ESRRB: variants seen among roughly 807,000 people sequenced by gnomAD.
ESRRB encodes the protein estrogen related receptor beta, also known as steroid hormone receptor ERR2.
A neutral mutation model predicts 46.0 loss-of-function variants in ESRRB; 16 were observed. That is an observed-to-expected ratio of 0.35 (90% confidence interval 0.24 to 0.53). The LOEUF is 0.53. ESRRB is among the 20% of genes least tolerant of loss of function. The pLI is 0.93. For missense variants in ESRRB, 488 were observed against 607.4 expected (o/e 0.80, Z 2.07); for synonymous variants, 246 against 259.6 (o/e 0.95, Z 0.50).
At chr14:76,436,081 T>C (rs1167747397) in intron 1 of ESRRB, among the ~76,000 whole-genome samples, 1 of 152,220 alleles carries the variant, frequency 6.6e-6, no homozygotes, top group Non-Finnish European at 1.5e-5. Flanking sequence ...ATCCAGGGCC[T>C]GGAGGTGGGG....
intron 1 of ESRRB, among the ~76,000 whole-genome samples, chr14:76,364,229 T>C (rs185929669): frequency 1.7e-4 from 26 of 152,274 alleles, no homozygotes; most frequent in African/African-American, 6.0e-4. Flanking sequence ...GAATAAGAAA[T>C]AGAGTTTCTG....
chr14:76,461,723 C>G (rs1888870461), intron 2 of ESRRB, among the ~76,000 whole-genome samples: 1 of 152,116 alleles, frequency 6.6e-6, no homozygotes, highest in African/African-American at 2.4e-5. Context: ...ATTGGTCAGG[C>G]TGGTCTCGAA....
Position 76,498,919 on chromosome 14 carries a change from A to C in ESRRB, c.*461A>C, listed in dbSNP as rs1161310042. The C allele has an allele frequency of 7.7e-6, 4 of 517,846 alleles. No homozygotes were observed. The Admixed American group carries it at 7.9e-5, about 10-fold the overall frequency. 32.1% of individuals were successfully genotyped at this position (517,846 alleles called of 1,614,324 possible). On this transcript the variant is annotated 3_prime_UTR_variant, in exon 7 of 7. Transcript: ENST00000644823. ...TTCCTTCCGCAGAGGGCAGGTACGCAAGGGACAACAGTATCTTTCTTCCAG... is the reference window on the plus strand; with the variant it reads ...TTCCTTCCGCAGAGGGCAGGTACGCCAGGGACAACAGTATCTTTCTTCCAG...
intron 3 of ESRRB, among the ~76,000 whole-genome samples, chr14:76,477,889 C>CT (rs1272044198): frequency 6.6e-6 from 1 of 152,092 alleles, no homozygotes. Flanking sequence ...TGGCAAAAAG[C>CT]TTGGGTCTTT....
chr14:76,486,027 T>G (rs1019710826), intron 5 of ESRRB, among the ~76,000 whole-genome samples: 1 of 152,168 alleles, frequency 6.6e-6, no homozygotes, highest in African/African-American at 2.4e-5. Context: ...TCCCAGCCAT[T>G]GTTCAAGTCA....
intron 1 of ESRRB, among the ~76,000 whole-genome samples, chr14:76,320,729 C>T (rs1883857086): frequency 6.6e-6 from 1 of 152,206 alleles, no homozygotes; most frequent in African/African-American, 2.4e-5. Context: ...TTGAGGCCCT[C>T]CCTCATGGGT....
intron 1 of ESRRB, among the ~76,000 whole-genome samples, chr14:76,340,874 A>C (rs564603147): frequency 3.9e-5 from 6 of 152,232 alleles, no homozygotes; most frequent in African/African-American, 1.2e-4. Flanking sequence ...AGTGGAGCTG[A>C]ACTGCAATGT....
chr14:76,454,309 A>G (rs1207702966), intron 2 of ESRRB, among the ~76,000 whole-genome samples: 1 of 152,226 alleles, frequency 6.6e-6, no homozygotes, highest in Non-Finnish European at 1.5e-5. Context: ...GGATTGAGAT[A>G]CTGTACTTGA....
chr14:76,431,293 C>T (rs1191427256), intron 1 of ESRRB, among the ~76,000 whole-genome samples: 1 of 152,118 alleles, frequency 6.6e-6, no homozygotes, highest in Non-Finnish European at 1.5e-5. Flanking sequence ...GACTCCATCT[C>T]AAACAAAACA....
At chr14:76,399,032 G>T (rs1885821773) in intron 1 of ESRRB, among the ~76,000 whole-genome samples, 2 of 152,122 alleles carry the variant, frequency 1.3e-5, no homozygotes, top group Non-Finnish European at 2.9e-5. Flanking sequence ...CAAGTGTCTT[G>T]CTGAACTCAG....
At position 76,439,405 on chromosome 14, in the gene ESRRB, A is replaced by T. The variant is rs564212483; in HGVS notation, c.115A>T (p.Thr39Ser). The stretch of plus-strand genomic sequence containing the variant: ...CTCCAGCTGCGGCTCCTTCATCAAG[A>T]CTGAGCCGTCCAGCCCGTCCTCGGG... The part of the protein sequence containing the change: ...LGSSCGSFIK[T>S]EPSSPSSGID... The change falls in exon 2 of 7, where the codon ACT becomes TCT. Residue 39 changes from threonine to serine, a missense_variant. Transcript: ENST00000644823. 6.2e-7 allele frequency: 1 copy of T among 1,613,584 alleles called. No homozygotes were observed. Among genetic ancestry groups the T allele is most frequent in the Admixed American group, 1.7e-5 (1 of 60,020 alleles).
chr14:76,490,225 G>A (rs1377412905), intron 5 of ESRRB, among the ~76,000 whole-genome samples: 1 of 152,232 alleles, frequency 6.6e-6, no homozygotes, highest in Non-Finnish European at 1.5e-5. Flanking sequence ...CAATCACTGA[G>A]TTTCTGTTTG....
At chr14:76,497,256 G>A (rs928603712) in intron 6 of ESRRB, among the ~76,000 whole-genome samples, 1 of 152,140 alleles carries the variant, frequency 6.6e-6, no homozygotes, top group Non-Finnish European at 1.5e-5. Context: ...AGGCTTGGGT[G>A]TGGGGCCAGT....
chr14:76,431,284 A>C (rs936267792), intron 1 of ESRRB, among the ~76,000 whole-genome samples: 2 of 152,082 alleles, frequency 1.3e-5, no homozygotes, highest in South Asian at 2.1e-4. Context: ...ACAGAACAAG[A>C]CTCCATCTCA....
chr14:76,427,387 G>A (rs1041678748), intron 1 of ESRRB, among the ~76,000 whole-genome samples: 2 of 151,956 alleles, frequency 1.3e-5, no homozygotes, highest in Admixed American at 6.6e-5. Context: ...ACATGCATGT[G>A]CACAGAAAGA....
Position 76,498,926 on chromosome 14 carries a change from A to G in ESRRB, c.*468A>G, listed in dbSNP as rs1388031636. 2.0e-6 allele frequency: 1 copy of G among 504,168 alleles called. No homozygotes were observed. Among genetic ancestry groups the G allele is most frequent in the East Asian group, 5.6e-5 (1 of 17,880 alleles). The allele number at this position is 504,168 out of a possible 1,614,324, so 31.2% of individuals were successfully genotyped here. A position where few individuals can be genotyped will look rare whatever the true frequency, so the allele number is the denominator to read the frequency against. ...CGCAGAGGGCAGGTACGCAAGGGAC[A>G]ACAGTATCTTTCTTCCAGAGGTCCT... On this transcript the variant is annotated 3_prime_UTR_variant, in exon 7 of 7. Coordinates refer to ENST00000644823, the MANE Select transcript of ESRRB (RefSeq NM_001379180.1).
At chr14:76,408,744 G>A (rs1302113853) in intron 1 of ESRRB, among the ~76,000 whole-genome samples, 5 of 152,018 alleles carry the variant, frequency 3.3e-5, no homozygotes, top group Non-Finnish European at 7.4e-5. Flanking sequence ...GTGAGAAACT[G>A]GCCAGGGAAA....
At chr14:76,377,502 C>T (rs1207905343) in intron 1 of ESRRB, among the ~76,000 whole-genome samples, 1 of 151,798 alleles carries the variant, frequency 6.6e-6, no homozygotes, top group Non-Finnish European at 1.5e-5. Flanking sequence ...AGTGGTCCCT[C>T]GGAAGGCTTA....
intron 1 of ESRRB, among the ~76,000 whole-genome samples, chr14:76,428,690 G>T (rs1162069799): frequency 6.6e-6 from 1 of 152,156 alleles, no homozygotes; most frequent in African/African-American, 2.4e-5. Context: ...GCTGTCCCAG[G>T]GCAGCCACTC....
Sources: gnomAD v4.1 joint callset for allele counts (sites outside exome capture counted in the v4.1 genomes callset) on GRCh38, gnomAD v4.1.1 for gene constraint, MANE v1.5 for transcripts, NCBI Gene and HGNC (gene_info 2026-07-23, HGNC 2026-07-21) for gene names.